SGIP1: variants seen among roughly 807,000 people sequenced by gnomAD.
SGIP1 encodes SH3-containing GRB2-like protein 3-interacting protein 1.
SGIP1 carries 38 observed loss-of-function variants against 107.5 expected under a neutral mutation model. That is an observed-to-expected ratio of 0.35 (90% confidence interval 0.27 to 0.46). The LOEUF is 0.46. Among genes scored for constraint, SGIP1 ranks in the 20% least tolerant of loss-of-function variants. The pLI is 1.00. For missense variants in SGIP1, 929 were observed against 1,019.5 expected (o/e 0.91, Z 1.21); for synonymous variants, 365 against 366.1 (o/e 1.00, Z 0.03).
chr1:66,716,290 C>T (rs1170242604), intron 18 of SGIP1, among the ~76,000 whole-genome samples: 1 of 152,088 alleles, frequency 6.6e-6, no homozygotes, highest in Non-Finnish European at 1.5e-5. Flanking sequence ...TGTGATTTAT[C>T]TAATTGTCAA....
At chr1:66,690,091 C>G in intron 16 of SGIP1, 99 bp from the exon 17 acceptor site, 2 of 1,381,610 alleles carry the variant, frequency 1.4e-6, no homozygotes, top group Non-Finnish European at 2.0e-6. Context: ...CTTCAGATAC[C>G]TAAGTTGTCA....
intron 1 of SGIP1, among the ~76,000 whole-genome samples, chr1:66,589,192 A>ATGTG (rs1263766427): frequency 5.6e-5 from 4 of 71,286 alleles, no homozygotes; most frequent in African/African-American, 1.2e-4. Flanking sequence ...ATATATATAT[A>ATGTG]TATATATATA....
At chr1:66,612,745 A>C (rs968489158) in intron 1 of SGIP1, among the ~76,000 whole-genome samples, 2 of 152,234 alleles carry the variant, frequency 1.3e-5, no homozygotes, top group African/African-American at 4.8e-5. Flanking sequence ...ATCTGATGTC[A>C]TGTCTGACTG....
chr1:66,584,254 G>T, intron 1 of SGIP1, among the ~76,000 whole-genome samples: 1 of 152,028 alleles, frequency 6.6e-6, no homozygotes, highest in East Asian at 1.9e-4. Context: ...TAAGCTGAAT[G>T]TTAGTAAGCA....
rs962979570 is a variant in SGIP1, at chr1:66,715,405, T to C, written c.1631-3889T>C. On this transcript the variant is annotated intron_variant, in intron 18 of 24. Transcript: ENST00000371037. ...CTGTGTTTCTGCTTCCCTGGCATCATTGGTCAGTTCTACAATAAGGACTAT... is the reference window on the plus strand; with the variant it reads ...CTGTGTTTCTGCTTCCCTGGCATCACTGGTCAGTTCTACAATAAGGACTAT... Among the ~76,000 whole-genome samples, 4 of 152,082 alleles carry C rather than the reference T, an allele frequency of 2.6e-5. No homozygotes were observed. In the South Asian group the frequency reaches 6.2e-4, roughly 24 times the overall value.
intron 1 of SGIP1, among the ~76,000 whole-genome samples, chr1:66,623,075 C>A (rs1053731550): frequency 5.3e-5 from 8 of 152,172 alleles, no homozygotes; most frequent in Non-Finnish European, 1.0e-4. Flanking sequence ...GAACACACTT[C>A]CCTTCACTCA....
In SGIP1 at chr1:66,719,280, T is replaced by C. The variant is rs1034802313; in HGVS notation, c.1631-14T>C. The stretch of plus-strand genomic sequence containing the variant: ...CTATTTTCATAATAAATGAAAATTT[T>C]TCATTTCATGCAGGTTCTTCCAGGG... On this transcript the variant is annotated splice_polypyrimidine_tract_variant and intron_variant, in intron 18 of 24. Transcript: ENST00000371037. 1.9e-6 allele frequency: 3 copies of C among 1,580,692 alleles called. No homozygotes were observed. Among genetic ancestry groups the C allele is most frequent in the Non-Finnish European group, 2.6e-6 (3 of 1,157,808 alleles).
intron 1 of SGIP1, 107 bp downstream of exon 1, chr1:66,534,475 C>CAAAA: frequency 7.6e-7 from 1 of 1,323,440 alleles, no homozygotes; most frequent in Non-Finnish European, 1.1e-6. Context: ...AACCTGGTTG[C>CAAAA]CAATGTTTTG....
At chr1:66,605,752 G>A (rs1037974691) in intron 1 of SGIP1, among the ~76,000 whole-genome samples, 1 of 152,092 alleles carries the variant, frequency 6.6e-6, no homozygotes, top group Non-Finnish European at 1.5e-5. Flanking sequence ...TTTGGTGTCT[G>A]AGGGTGAATG....
chr1:66,667,425 A>G (rs1245235821), intron 8 of SGIP1, 105 bp from the exon 9 acceptor site: 27 of 1,018,658 alleles, frequency 2.7e-5, no homozygotes, highest in Non-Finnish European at 4.2e-5. Context: ...TCTGGAGTGT[A>G]TGTTTGGTTA....
At chr1:66,541,580 C>T (rs371940840) in intron 1 of SGIP1, among the ~76,000 whole-genome samples, 1 of 152,176 alleles carries the variant, frequency 6.6e-6, no homozygotes, top group Admixed American at 6.5e-5. Flanking sequence ...ATCAAAATTA[C>T]ACATCTACTC....
chr1:66,647,972 T>C (rs1288703145), intron 7 of SGIP1, among the ~76,000 whole-genome samples: 1 of 152,208 alleles, frequency 6.6e-6, no homozygotes, highest in African/African-American at 2.4e-5. Context: ...AGATGTTTTT[T>C]AAGGAGTGAC....
chr1:66,635,942 A>G lies in SGIP1; in HGVS notation c.100-2A>G. 6.2e-7 allele frequency: 1 copy of G among 1,613,704 alleles called. No homozygotes were observed. Among genetic ancestry groups the G allele is most frequent in the Non-Finnish European group, 8.5e-7 (1 of 1,179,802 alleles). On this transcript the variant is annotated splice_acceptor_variant, in intron 3 of 24. Transcript: ENST00000371037. LOFTEE classifies it high-confidence loss of function. ...TTTCTACATGAAAACAATCAATTCC[A>G]GCAGCCCAGCCCACACGAACCACCC... is the stretch of plus-strand genomic sequence containing the variant.
chr1:66,636,101 G>A (rs896188557), intron 4 of SGIP1, 86 bp downstream of exon 4: 13 of 1,306,048 alleles, frequency 1.0e-5, no homozygotes, highest in Non-Finnish European at 1.2e-5. Context: ...GGAAAACACA[G>A]TAGTTTTCAT....
intron 1 of SGIP1, among the ~76,000 whole-genome samples, chr1:66,591,188 G>C (rs1055682620): frequency 6.6e-6 from 1 of 152,116 alleles, no homozygotes; most frequent in Non-Finnish European, 1.5e-5. Flanking sequence ...TACACATTCT[G>C]AATTTGGTCT....
At chr1:66,579,023 T>A (rs1199080695) in intron 1 of SGIP1, among the ~76,000 whole-genome samples, 2 of 152,214 alleles carry the variant, frequency 1.3e-5, no homozygotes, top group Admixed American at 1.3e-4. Context: ...ATGAGACTGA[T>A]GATTCAGAGA....
In SGIP1 at chr1:66,719,402, G is replaced by A; in HGVS notation, c.1739G>A (p.Ser580Asn). 1 of 1,611,672 alleles carries A rather than the reference G, an allele frequency of 6.2e-7. No individual in the cohort carries two copies. The highest frequency in any genetic ancestry group is 8.5e-7 in the Non-Finnish European group (1 of 1,178,272). Residue 580 changes from serine to asparagine, a missense_variant, in exon 19 of 25, where the codon AGC (serine) becomes AAC (asparagine). Around this residue, in one of 2 missense-constraint regions of SGIP1, gnomAD observed 341 missense variants for 430.9 expected, o/e 0.79. Coordinates refer to ENST00000371037, the MANE Select transcript of SGIP1 (RefSeq NM_032291.4). ...VNAYFKGADP[S>N]KCIVKITGEM... ...GCCTATTTCAAAGGAGCAGACCCAA[G>A]CAAGTAAGCCTGATACTTGGTCCAT...
At position 66,747,405 on chromosome 1, in the gene SGIP1, T is replaced by A. The variant is rs2094567589; in HGVS notation, c.*4310T>A. On this transcript the variant is annotated 3_prime_UTR_variant, in exon 25 of 25. Coordinates refer to ENST00000371037, the MANE Select transcript of SGIP1 (RefSeq NM_032291.4). ...TAAAAAATTTTTTTCCCTAGGAAAATCCCTATCTTTTTCTTAAAGTTACTC... is the reference window on the plus strand; with the variant it reads ...TAAAAAATTTTTTTCCCTAGGAAAAACCCTATCTTTTTCTTAAAGTTACTC... The A allele has an allele frequency of 6.6e-6, 1 of 152,014 alleles. No individual in the cohort carries two copies. The highest frequency in any genetic ancestry group is 2.4e-5 in the African/African-American group (1 of 41,442). The allele number at this position is 152,014 out of a possible 1,614,324, so 9.4% of individuals were successfully genotyped here.
At chr1:66,680,218 C>A (rs1233457894) in intron 14 of SGIP1, among the ~76,000 whole-genome samples, 1 of 152,070 alleles carries the variant, frequency 6.6e-6, no homozygotes, top group Non-Finnish European at 1.5e-5. Flanking sequence ...TGGGGAAATT[C>A]TTTTTCATTC....
Sources: allele counts gnomAD v4.1 joint callset (sites outside exome capture counted in the v4.1 genomes callset), GRCh38; gene constraint gnomAD v4.1.1; regional missense constraint gnomAD v4.1.1; transcripts MANE v1.5; gene names NCBI Gene and HGNC (gene_info 2026-07-23, HGNC 2026-07-21).